Variants in LRP6 observed in about 807,000 individuals in gnomAD.
LRP6 encodes the protein low-density lipoprotein receptor-related protein 6.
A neutral mutation model predicts 184.1 loss-of-function variants in LRP6; 43 were observed. That is an observed-to-expected ratio of 0.23 (90% CI 0.18 to 0.30). LRP6 has a LOEUF of 0.30. LRP6 is among the 10% of genes least tolerant of loss of function. The pLI, the probability that LRP6 is intolerant of heterozygous loss-of-function variation, is 1.00. For missense variants in LRP6, 1,571 were observed against 2,005.3 expected, an observed-to-expected ratio of 0.78 and a Z score of 4.14; for synonymous variants, 719 against 684.9, an observed-to-expected ratio of 1.05 and a Z score of -0.78.
chr12:12,165,138 A>T lies in LRP6; in HGVS notation c.1703T>A (p.Ile568Asn), dbSNP rs759349933. 6.2e-7 allele frequency: 1 copy of T among 1,614,000 alleles called. No homozygotes were observed. Among genetic ancestry groups the T allele is most frequent in the Non-Finnish European group, 8.5e-7 (1 of 1,179,990 alleles). ...CATGAGGTCAGGCAGCTGATCTATG[A>T]TCACTTCCCTCTCTGCACTTCGTTT... The part of the protein sequence containing the change: ...VHKRSAEREV[I>N]IDQLPDLMGL... The change falls in exon 8 of 23, where the codon ATC becomes AAC. Residue 568 changes from isoleucine to asparagine, a missense_variant. Transcript: ENST00000261349.
chr12:12,137,408 A>G (rs945534310), intron 16 of LRP6, among the ~76,000 whole-genome samples: 2 of 152,224 alleles, frequency 1.3e-5, no homozygotes, highest in African/African-American at 4.8e-5. Flanking sequence ...TTCAAAAAAA[A>G]ATAAGAAAAT....
Position 12,244,360 on chromosome 12 carries a change from A to T in LRP6, c.351T>A (p.Asn117Lys). The change falls in exon 2 of 23, where the codon AAT becomes AAA. Residue 117 changes from asparagine (N) to lysine (K), a missense_variant. Physicochemically the swap from Asn to Lys is moderately conservative, Grantham distance 94 (BLOSUM62 0). Transcript: ENST00000261349. ...CATCTAAATTAGAAACTTCAATCCGATTAGTTTCAGAATCTGTCCAGTACA... is the reference window on the plus strand; with the variant it reads ...CATCTAAATTAGAAACTTCAATCCGTTTAGTTTCAGAATCTGTCCAGTACA... ...EKLYWTDSET[N>K]RIEVSNLDGS... The T allele has an allele frequency of 6.2e-7, 1 of 1,614,216 alleles. No individual in the cohort carries two copies. The highest frequency in any genetic ancestry group is 1.1e-5 in the South Asian group (1 of 91,086).
intron 15 of LRP6, among the ~76,000 whole-genome samples, chr12:12,139,822 A>C (rs971239608): frequency 3.9e-5 from 6 of 152,190 alleles, no homozygotes; most frequent in African/African-American, 1.4e-4. Context: ...AAGTGATATA[A>C]ATTTTGGAAG....
chr12:12,167,369 C>T (rs1028171192), intron 7 of LRP6, among the ~76,000 whole-genome samples: 25 of 152,042 alleles, frequency 1.6e-4, no homozygotes, highest in Admixed American at 4.6e-4. Context: ...GCAGTCCAGG[C>T]GCGGTGGCTC....
At chr12:12,259,400 C>T (rs1158593931) in intron 1 of LRP6, among the ~76,000 whole-genome samples, 1 of 151,974 alleles carries the variant, frequency 6.6e-6, no homozygotes, top group Non-Finnish European at 1.5e-5. Context: ...CATTTTGCAT[C>T]CCCAATCTCC....
At chr12:12,194,309 T>G (rs377405469) in intron 3 of LRP6, among the ~76,000 whole-genome samples, 1 of 151,766 alleles carries the variant, frequency 6.6e-6, no homozygotes, top group East Asian at 1.9e-4. Flanking sequence ...AACAAACATA[T>G]AGCTTAACAA....
At chr12:12,230,395 A>G (rs1864752252) in intron 2 of LRP6, among the ~76,000 whole-genome samples, 1 of 152,314 alleles carries the variant, frequency 6.6e-6, no homozygotes, top group East Asian at 1.9e-4. Flanking sequence ...TCGGCTTCCC[A>G]TAATGAAAAT....
In LRP6 at chr12:12,117,440, T is replaced by A. The variant is rs531582673; in HGVS notation, c.*3686A>T. 6.6e-6 allele frequency: 1 copy of A among 152,354 alleles called. No individual in the cohort carries two copies. The highest frequency in any genetic ancestry group is 6.5e-5 in the Admixed American group (1 of 15,310). The allele number at this position is 152,354 out of a possible 1,614,324, so 9.4% of individuals were successfully genotyped here. ...ATTTCGGATGTGAAAAGTCCAAGAT[T>A]TTTGTTTCTGAATCTTGTTAGATAC... is the stretch of plus-strand genomic sequence containing the variant. On this transcript the variant is annotated 3_prime_UTR_variant, in exon 23 of 23. Transcript: ENST00000261349.
chr12:12,209,110 C>T (rs546571217), intron 2 of LRP6, among the ~76,000 whole-genome samples: 86 of 152,324 alleles, frequency 5.6e-4, no homozygotes, highest in Non-Finnish European at 8.5e-4. Flanking sequence ...CTTGAGATTA[C>T]GTGATACAAA....
intron 2 of LRP6, among the ~76,000 whole-genome samples, chr12:12,206,682 AG>A (rs1864067599): frequency 6.6e-6 from 1 of 152,062 alleles, no homozygotes; most frequent in Non-Finnish European, 1.5e-5. Context: ...CCAAGGCAGG[AG>A]GACTGTCTGA....
At chr12:12,148,056 G>A (rs899456407) in intron 14 of LRP6, among the ~76,000 whole-genome samples, 1 of 149,574 alleles carries the variant, frequency 6.7e-6, no homozygotes, top group African/African-American at 2.4e-5. Context: ...AAATAAATGT[G>A]TATAGATAAA....
intron 12 of LRP6, among the ~76,000 whole-genome samples, chr12:12,152,546 A>T (rs918523983): frequency 6.6e-6 from 1 of 152,046 alleles, no homozygotes; most frequent in African/African-American, 2.4e-5. Flanking sequence ...CAGCCTCCCA[A>T]AGTGCTGGGT....
At chr12:12,145,652 G>A (rs1410255844) in intron 15 of LRP6, among the ~76,000 whole-genome samples, 1 of 122,236 alleles carries the variant, frequency 8.2e-6, no homozygotes, top group African/African-American at 3.1e-5. Flanking sequence ...TTTTGAGACA[G>A]TCTCGTTCTC....
At chr12:12,240,391 G>A (rs541568260) in intron 2 of LRP6, among the ~76,000 whole-genome samples, 3 of 152,054 alleles carry the variant, frequency 2.0e-5, no homozygotes, top group African/African-American at 4.8e-5. Context: ...GGCTAACATG[G>A]CAAAACCCGT....
intron 2 of LRP6, among the ~76,000 whole-genome samples, chr12:12,225,545 G>A (rs1211030480): frequency 2.0e-5 from 3 of 151,584 alleles, no homozygotes. Context: ...CACTTTTTTT[G>A]GTTTTACCTC....
intron 3 of LRP6, among the ~76,000 whole-genome samples, chr12:12,191,737 G>C (rs1863620571): frequency 6.6e-6 from 1 of 151,908 alleles, no homozygotes; most frequent in Non-Finnish European, 1.5e-5. Context: ...TCACAAGTGA[G>C]GGGACAGAAC....
At chr12:12,153,834 CTT>C (rs141297081) in intron 12 of LRP6, among the ~76,000 whole-genome samples, 1,614 of 152,310 alleles carry the variant, frequency 0.011, 22 homozygotes, top group Non-Finnish European at 0.016. Context: ...TAGGAGGGAG[CTT>C]TTCAGTTCTC....
In LRP6 at chr12:12,124,636, G is replaced by A; in HGVS notation, c.4476C>T (p.Ala1492=). 1 of 1,612,872 alleles carries A rather than the reference G, an allele frequency of 6.2e-7. No individual in the cohort carries two copies. Among genetic ancestry groups the A allele is most frequent in the Non-Finnish European group, 8.5e-7 (1 of 1,179,224 alleles). Residue 1492 remains alanine, a synonymous_variant, in exon 22 of 23, where the codon GCC becomes GCT. Coordinates refer to ENST00000261349, the MANE Select transcript of LRP6 (RefSeq NM_002336.3). ...PAILNPPPSP[A]TERSHYTMEF... is the part of the protein sequence containing the mutation. ...CCATAGTGTAATGTGATCGCTCTGTGGCTGGGGATGGTGGAGGGTTCAAAA... is the reference window on the plus strand; with the variant it reads ...CCATAGTGTAATGTGATCGCTCTGTAGCTGGGGATGGTGGAGGGTTCAAAA...
chr12:12,174,378 C>A (rs1181502006), intron 7 of LRP6, among the ~76,000 whole-genome samples: 2 of 152,072 alleles, frequency 1.3e-5, no homozygotes, highest in African/African-American at 4.8e-5. Flanking sequence ...TCTCAAAGTG[C>A]TGGATTACAG....
Sources: allele counts gnomAD v4.1 joint callset (sites outside exome capture counted in the v4.1 genomes callset), GRCh38; gene constraint gnomAD v4.1.1; transcripts MANE v1.5; gene names NCBI Gene and HGNC (gene_info 2026-07-23, HGNC 2026-07-21).